The following ESRRG variants were observed in gnomAD, a reference collection of about 807,000 sequenced individuals.
ESRRG encodes the protein estrogen-related receptor gamma.
A neutral mutation model predicts 44.0 loss-of-function variants in ESRRG; 13 were observed. The observed-to-expected ratio is 0.30, with a 90% CI of 0.19 to 0.47. The LOEUF is 0.47. ESRRG is among the 20% of genes least tolerant of loss of function. The pLI, the probability that ESRRG is intolerant of heterozygous loss-of-function variation, is 1.00. For synonymous variants in ESRRG, 215 were observed against 214.6 expected, an observed-to-expected ratio of 1.00 and a Z score of -0.02; for missense variants, 395 against 580.6, an observed-to-expected ratio of 0.68 and a Z score of 3.29.
rs2040932716 is a variant in ESRRG at position 216,504,843 on chromosome 1, CTTG to C, written c.*2093_*2095del. 2 of 152,496 alleles carry C rather than the reference CTTG, an allele frequency of 1.3e-5. No homozygotes were observed. 9.4% of individuals were successfully genotyped at this position (152,496 alleles called of 1,614,324 possible). On this transcript the variant is annotated 3_prime_UTR_variant, in exon 7 of 7. Transcript: ENST00000408911. ...GATGTGTATCTGTTCATAATGAATA[CTTG>C]TTTGGAGTTTCAATCTCTTAATTAT...
rs184306425 is a variant in ESRRG at position 216,607,740 on chromosome 1, T to C, written c.590-39642A>G. ...CATCTAAGGAGAGGTACAAACAAAA[T>C]AGAAAGGAAACATGTGACTATGATG... On this transcript the variant is annotated intron_variant, in intron 3 of 6. Transcript: ENST00000408911. Among the ~76,000 whole-genome samples the C allele has an allele frequency of 1.1e-4, 16 of 152,252 alleles. No individual in the cohort carries two copies. The East Asian group carries it at 1.5e-3, about 15-fold the overall frequency.
At chr1:216,588,851 G>A (rs576765994) in intron 3 of ESRRG, among the ~76,000 whole-genome samples, 5 of 152,240 alleles carry the variant, frequency 3.3e-5, no homozygotes, top group East Asian at 3.9e-4. Context: ...CAAAACAAGC[G>A]CTTTGGGAAT....
intron 2 of ESRRG, among the ~76,000 whole-genome samples, chr1:216,736,716 A>C (rs2089984794): frequency 6.6e-6 from 1 of 152,148 alleles, no homozygotes; most frequent in Admixed American, 6.5e-5. Context: ...ATTCCACACC[A>C]GCAGAATCTC....
chr1:216,804,490 T>A (rs1293373655), intron 2 of ESRRG, among the ~76,000 whole-genome samples: 1 of 152,096 alleles, frequency 6.6e-6, no homozygotes, highest in Non-Finnish European at 1.5e-5. Flanking sequence ...TTTTTCATCA[T>A]TTACCTTCCG....
intron 1 of ESRRG, among the ~76,000 whole-genome samples, chr1:217,041,174 C>T (rs2083792445): frequency 6.6e-6 from 1 of 151,958 alleles, no homozygotes; most frequent in Admixed American, 6.6e-5. Flanking sequence ...AACACGAAAT[C>T]ACAGAGACCC....
At chr1:217,070,154 T>G (rs1172486588) in intron 1 of ESRRG, among the ~76,000 whole-genome samples, 1 of 152,104 alleles carries the variant, frequency 6.6e-6, no homozygotes, top group African/African-American at 2.4e-5. Flanking sequence ...TGGCTGTAAG[T>G]TGAGGTGATC....
Position 216,816,120 on chromosome 1 carries a change from C to T in ESRRG, c.-14+123462G>A, listed in dbSNP as rs188379532. Among the ~76,000 whole-genome samples the T allele has an allele frequency of 3.5e-3, 533 of 152,288 alleles. 6 individuals carry two copies. The highest frequency in any genetic ancestry group is 3.9e-3 in the Non-Finnish European group (263 of 68,028). On this transcript the variant is annotated intron_variant, in intron 2 of 7. Coordinates refer to the ESRRG transcript ENST00000359162. ...AAAGAAATACCTCTTTCACTACCAG[C>T]ATTCATCGTGGGTCATCAGAGTTAA...
intron 1 of ESRRG, among the ~76,000 whole-genome samples, chr1:217,112,511 G>A (rs1320983740): frequency 1.3e-5 from 2 of 152,148 alleles, no homozygotes; most frequent in Non-Finnish European, 1.5e-5. Context: ...AGAAGAGACA[G>A]TGTACCTAAA....
rs73092163 is a variant in ESRRG at position 216,681,959 on chromosome 1, G to A, written c.57-4468C>T. 2.8e-3 allele frequency: 420 copies of A among 152,320 alleles called. 1 individual carries two copies. Among genetic ancestry groups the A allele is most frequent in the African/African-American group, 9.5e-3 (393 of 41,572 alleles). 9.4% of individuals were successfully genotyped at this position (152,320 alleles called of 1,614,324 possible). A position where few individuals can be genotyped will look rare whatever the true frequency, so the allele number is the denominator to read the frequency against. On this transcript the variant is annotated intron_variant, in intron 1 of 6. Transcript: ENST00000408911. ...GTTTGAATTCCCACATGCACGTGCTGATGTTCAAAGTGGTCTGCATTTCGA... is the reference window on the plus strand; with the variant it reads ...GTTTGAATTCCCACATGCACGTGCTAATGTTCAAAGTGGTCTGCATTTCGA...
At chr1:216,832,116 A>G (rs2148756974) in intron 2 of ESRRG, among the ~76,000 whole-genome samples, 1 of 152,304 alleles carries the variant, frequency 6.6e-6, no homozygotes, top group African/African-American at 2.4e-5. Flanking sequence ...TCTTATGAGC[A>G]AGCGCTACAC....
chr1:216,576,121 T>C (rs998868413), intron 3 of ESRRG, among the ~76,000 whole-genome samples: 1 of 152,078 alleles, frequency 6.6e-6, no homozygotes. Context: ...CAGAGCCACC[T>C]TCCAGTTGAA....
intron 2 of ESRRG, chr1:216,863,335 A>AT (rs2096086180): frequency 6.6e-6 from 1 of 152,270 alleles, no homozygotes; most frequent in East Asian, 1.9e-4. Context: ...GAAAAGCTTT[A>AT]TTTTTTCCTT....
At chr1:217,032,662 T>A (rs1213289689) in intron 1 of ESRRG, among the ~76,000 whole-genome samples, 1 of 152,212 alleles carries the variant, frequency 6.6e-6, no homozygotes, top group African/African-American at 2.4e-5. Context: ...TATTATTTGT[T>A]TCATTATTTG....
chr1:216,930,745 T>C (rs1307484029), intron 2 of ESRRG, among the ~76,000 whole-genome samples: 1 of 151,932 alleles, frequency 6.6e-6, no homozygotes, highest in East Asian at 1.9e-4. Context: ...GCTCAAGGAG[T>C]CAGGAAAGGC....
At chr1:216,918,298 T>C (rs1454103324) in intron 2 of ESRRG, among the ~76,000 whole-genome samples, 1 of 152,180 alleles carries the variant, frequency 6.6e-6, no homozygotes, top group East Asian at 1.9e-4. Flanking sequence ...TGGAATCAGC[T>C]GTATGTACAC....
intron 2 of ESRRG, among the ~76,000 whole-genome samples, chr1:216,780,782 G>T (rs2147873616): frequency 6.6e-6 from 1 of 152,162 alleles, no homozygotes; most frequent in East Asian, 1.9e-4. Flanking sequence ...GCAATGAACA[G>T]AACCAAGTTC....
chr1:216,787,739 A>G (rs2094179527), intron 2 of ESRRG, among the ~76,000 whole-genome samples: 2 of 152,126 alleles, frequency 1.3e-5, no homozygotes, highest in Admixed American at 6.6e-5. Context: ...AAACCAAGAT[A>G]GGCCATAAGC....
chr1:216,678,361 A>G lies in ESRRG; in HGVS notation c.57-870T>C, dbSNP rs188454957. Among the ~76,000 whole-genome samples the G allele has an allele frequency of 8.5e-5, 13 of 152,350 alleles. No homozygotes were observed. The East Asian group carries it at 2.5e-3, about 29-fold the overall frequency. On this transcript the variant is annotated intron_variant, in intron 1 of 6. Coordinates refer to ENST00000408911, the MANE Select transcript of ESRRG (RefSeq NM_001438.4). Reference sequence around the variant, plus strand: ...GTATACCTGTAAGTCCACAAATCTGATATTATATGTATATTATCTGATACT... The same window carrying G: ...GTATACCTGTAAGTCCACAAATCTGGTATTATATGTATATTATCTGATACT...
At chr1:216,919,553 A>T (rs1225782770) in intron 2 of ESRRG, among the ~76,000 whole-genome samples, 1 of 152,224 alleles carries the variant, frequency 6.6e-6, no homozygotes, top group Non-Finnish European at 1.5e-5. Flanking sequence ...TGCTTCTTCA[A>T]TAACGCATTA....
Sources: allele counts gnomAD v4.1 joint callset (sites outside exome capture counted in the v4.1 genomes callset), GRCh38; gene constraint gnomAD v4.1.1; transcripts MANE v1.5; gene names NCBI Gene and HGNC (gene_info 2026-07-23, HGNC 2026-07-21).